Variants in L1CAM observed in about 807,000 individuals in gnomAD.
The protein encoded by L1CAM is neural cell adhesion molecule L1.
In L1CAM, 8 loss-of-function variants were observed where a neutral mutation model predicts 93.0. The ratio of observed to expected loss-of-function variants is 0.09; its 90% confidence interval spans 0.05 to 0.16. The LOEUF (loss-of-function observed/expected upper bound fraction) is 0.16, where lower values mean the gene tolerates loss of function less well. L1CAM is among the 10% of genes least tolerant of loss of function. The pLI, the probability that L1CAM is intolerant of heterozygous loss-of-function variation, is 1.00. For missense variants in L1CAM, 777 were observed against 1,073.4 expected, an observed-to-expected ratio of 0.72 and a Z score of 3.86; for synonymous variants, 453 against 453.0, an observed-to-expected ratio of 1.00 and a Z score of 0.00.
intron 1 of L1CAM, chrX:153,884,565 G>A (rs1557096551): frequency 5.2e-6 from 1 of 191,928 alleles, no homozygotes; most frequent in Non-Finnish European, 9.8e-6. Flanking sequence ...TAAATATGGA[G>A]AGAGACTCAG....
chrX:153,874,286 G>T (rs934701599), intron 2 of L1CAM, among the ~76,000 whole-genome samples: 1 of 113,020 alleles, frequency 8.8e-6, no homozygotes, highest in Admixed American at 9.2e-5. Flanking sequence ...TTTTGGCCTA[G>T]TTCTCTCTCC....
Position 153,886,065 on chromosome X carries a change from C to A in L1CAM, c.-109G>T. The stretch of plus-strand genomic sequence containing the variant: ...GCACGGGGAGGCCAGCCCGCCTTAC[C>A]TGCGCTGCGGCCACCGCTCGGGCTG... On this transcript the variant is annotated splice_region_variant and 5_prime_UTR_variant, in exon 1 of 29. Coordinates refer to ENST00000370060, the MANE Select transcript of L1CAM (RefSeq NM_001278116.2). The A allele has an allele frequency of 3.2e-6, 1 of 315,741 alleles. No homozygotes were observed. The allele number at this position is 315,741 out of a possible 1,213,427, so 26.0% of individuals were successfully genotyped here. A position where few individuals can be genotyped will look rare whatever the true frequency, so the allele number is the denominator to read the frequency against.
intron 19 of L1CAM, among the ~76,000 whole-genome samples, chrX:153,866,377 G>GA (rs1236858170): frequency 9.1e-6 from 1 of 109,307 alleles, no homozygotes; most frequent in Admixed American, 9.7e-5. Flanking sequence ...GGAGAAACCA[G>GA]AAAAAAAACT....
At chrX:153,884,530 G>A in intron 1 of L1CAM, 1 of 210,812 alleles carries the variant, frequency 4.7e-6, no homozygotes, top group South Asian at 6.7e-5. Flanking sequence ...TATTACTTTC[G>A]GGATCATACA....
At chrX:153,872,542 G>T in intron 4 of L1CAM, 50 bp downstream of exon 4, 1 of 1,057,191 alleles carries the variant, frequency 9.5e-7, no homozygotes, top group Non-Finnish European at 1.3e-6. Context: ...GAGGCACAAG[G>T]CCGGGGTCAG....
At chrX:153,876,278 C>G (rs2064813552) in intron 1 of L1CAM, 1 of 316,289 alleles carries the variant, frequency 3.2e-6, no homozygotes, top group Non-Finnish European at 5.6e-6. Flanking sequence ...CCGTATGTGT[C>G]TGCATGTGCA....
chrX:153,863,298 T>C, intron 28 of L1CAM, 70 bp downstream of exon 28: 1 of 1,127,801 alleles, frequency 8.9e-7, no homozygotes. Context: ...CAGGGGACAA[T>C]GGCACACCAG....
At chrX:153,883,923 A>G in intron 1 of L1CAM, 1 of 340,307 alleles carries the variant, frequency 2.9e-6, no homozygotes, top group Non-Finnish European at 5.9e-6. Context: ...TGTCTCCTCG[A>G]CCCTCACCTG....
At chrX:153,873,349 C>A (rs2064789599) in intron 2 of L1CAM, 107 bp from the exon 3 acceptor site, 3 of 845,026 alleles carry the variant, frequency 3.6e-6, no homozygotes, top group Admixed American at 2.2e-5. Context: ...TGCAGCCCCC[C>A]CGTGGAGAGG....
chrX:153,875,459 G>A (rs1329498599), intron 2 of L1CAM, among the ~76,000 whole-genome samples: 4 of 111,244 alleles, frequency 3.6e-5, no homozygotes, highest in African/African-American at 1.3e-4. Flanking sequence ...GCGGGCTAAG[G>A]AGAGCATGGA....
In L1CAM at chrX:153,875,913, G is replaced by A; in HGVS notation, c.-77C>T. The A allele has an allele frequency of 1.1e-6, 1 of 927,227 alleles. No individual in the cohort carries two copies. 76.4% of individuals were successfully genotyped at this position (927,227 alleles called of 1,213,427 possible). On this transcript the variant is annotated 5_prime_UTR_variant, in exon 2 of 29. Transcript: ENST00000370060. The stretch of plus-strand genomic sequence containing the variant: ...GGCCGGAGGGGAAGGGGGCTGGTGG[G>A]CGGCTTGGGGCGGGAGTTGGGAGTG...
intron 1 of L1CAM, chrX:153,880,359 A>G (rs2064837957): frequency 5.3e-6 from 1 of 189,682 alleles, no homozygotes; most frequent in South Asian, 6.9e-5. Context: ...TTCTGCCTGG[A>G]GTTCCTCTCA....
At position 153,883,856 on chromosome X, in the gene L1CAM, T is replaced by G. The variant is rs183755426; in HGVS notation, c.-109+2209A>C. The G allele has an allele frequency of 1.2e-5, 4 of 341,967 alleles. No individual in the cohort carries two copies. The East Asian group carries it at 2.9e-4, about 25-fold the overall frequency. The allele number at this position is 341,967 out of a possible 1,213,427, so 28.2% of individuals were successfully genotyped here. A position where few individuals can be genotyped will look rare whatever the true frequency, so the allele number is the denominator to read the frequency against. ...CCCTCACACCCAGAAAAGCACTCAGTGCAGCCATTTCGAGCTTTGAAAGGG... is the reference window on the plus strand; with the variant it reads ...CCCTCACACCCAGAAAAGCACTCAGGGCAGCCATTTCGAGCTTTGAAAGGG... On this transcript the variant is annotated intron_variant, in intron 1 of 28. Coordinates refer to ENST00000370060, the MANE Select transcript of L1CAM (RefSeq NM_001278116.2).
At chrX:153,881,404 G>T (rs1310920657) in intron 1 of L1CAM, among the ~76,000 whole-genome samples, 4 of 111,751 alleles carry the variant, frequency 3.6e-5, no homozygotes, top group African/African-American at 1.3e-4. Flanking sequence ...AGGGGCCTGG[G>T]CGAGGATGGC....
chrX:153,872,769 A>G lies in L1CAM; in HGVS notation c.92-72T>C, dbSNP rs781964991. ...GTGTCATAGCCTCAGCACCTGTCCC[A>G]TCGTGAGGGAAGCAGGGTCCAGAGC... On this transcript the variant is annotated intron_variant, in intron 3 of 28. Coordinates refer to ENST00000370060, the MANE Select transcript of L1CAM (RefSeq NM_001278116.2). 766 of 876,115 alleles carry G rather than the reference A, an allele frequency of 8.7e-4. 2 individuals carry two copies. The highest frequency in any genetic ancestry group is 1.2e-3 in the Non-Finnish European group (699 of 592,520). The allele number at this position is 876,115 out of a possible 1,213,427, so 72.2% of individuals were successfully genotyped here.
intron 6 of L1CAM, 43 bp from the exon 7 acceptor site, chrX:153,871,003 A>C (rs1557092949): frequency 8.3e-7 from 1 of 1,211,106 alleles, no homozygotes; most frequent in Admixed American, 2.2e-5. Flanking sequence ...CCGTCCAGGA[A>C]GACACCCCCG....
At chrX:153,870,012 C>A in intron 9 of L1CAM, 44 bp downstream of exon 9, 2 of 1,209,936 alleles carry the variant, frequency 1.7e-6, no homozygotes, top group South Asian at 1.8e-5. Flanking sequence ...TCCCCTCCCC[C>A]ATGACAGTGG....
chrX:153,871,393 GCAGGAGAC>G (rs2064768309), intron 5 of L1CAM, among the ~76,000 whole-genome samples: 2 of 111,205 alleles, frequency 1.8e-5, no homozygotes, highest in Admixed American at 1.9e-4. Flanking sequence ...GCCAGGGTGA[GCAGGAGAC>G]CAGGAGGCCA....
intron 2 of L1CAM, among the ~76,000 whole-genome samples, chrX:153,874,892 C>T (rs1557094114): frequency 8.9e-6 from 1 of 112,115 alleles, no homozygotes; most frequent in Non-Finnish European, 1.9e-5. Flanking sequence ...ACATTCAGCC[C>T]CACTCACACA....
Sources: gnomAD v4.1 joint callset for allele counts (sites outside exome capture counted in the v4.1 genomes callset) on GRCh38, gnomAD v4.1.1 for gene constraint, MANE v1.5 for transcripts, NCBI Gene and HGNC (gene_info 2026-07-23, HGNC 2026-07-21) for gene names.